SPAG16: variants seen among roughly 807,000 people sequenced by gnomAD.
SPAG16 encodes the protein sperm associated antigen 16.
Under a neutral mutation model 80.4 loss-of-function variants are expected in SPAG16, and 86 were observed. The observed-to-expected ratio is 1.07, with a 90% CI of 0.90 to 1.28. The LOEUF is 1.28. Ranked by LOEUF, SPAG16 falls within the 50% of genes most tolerant of loss-of-function variation. The pLI is 0.00. For missense variants in SPAG16, 870 were observed against 765.3 expected, an observed-to-expected ratio of 1.14 and a Z score of -1.61; for synonymous variants, 294 against 265.9, an observed-to-expected ratio of 1.11 and a Z score of -1.03.
chr2:213,593,991 G>C (rs2060801541), intron 10 of SPAG16, among the ~76,000 whole-genome samples: 1 of 151,206 alleles, frequency 6.6e-6, no homozygotes, highest in African/African-American at 2.4e-5. Context: ...TAGCCAGGAT[G>C]GTCTCGATAT....
chr2:213,687,676 T>G (rs532790924), intron 10 of SPAG16, among the ~76,000 whole-genome samples: 1 of 152,294 alleles, frequency 6.6e-6, no homozygotes, highest in South Asian at 2.1e-4. Flanking sequence ...GTCTGACCCC[T>G]TTCGAGATTT....
At chr2:213,742,081 T>A (rs1049972452) in intron 10 of SPAG16, among the ~76,000 whole-genome samples, 1 of 152,100 alleles carries the variant, frequency 6.6e-6, no homozygotes, top group African/African-American at 2.4e-5. Context: ...GTAATACCAA[T>A]GTGTTTGGGT....
chr2:213,651,366 A>G (rs545631553), intron 10 of SPAG16, among the ~76,000 whole-genome samples: 1 of 152,302 alleles, frequency 6.6e-6, no homozygotes, highest in African/African-American at 2.4e-5. Context: ...GAAGCCCCTG[A>G]GGACAAACTG....
At chr2:214,193,395 A>ATG (rs60839638) in intron 15 of SPAG16, among the ~76,000 whole-genome samples, 1,322 of 124,448 alleles carry the variant, frequency 0.011, 17 homozygotes, top group Middle Eastern at 0.039. Context: ...GAGATCTTTT[A>ATG]TGTGTGTGTG....
At chr2:213,583,919 C>T (rs7560229) in intron 10 of SPAG16, among the ~76,000 whole-genome samples, 41,717 of 151,984 alleles carry the variant, frequency 0.27, 6,481 homozygotes, top group Middle Eastern at 0.43. Context: ...CAATAAATTA[C>T]GAACAACGTG....
chr2:214,056,215 T>A (rs1160615501), intron 13 of SPAG16, among the ~76,000 whole-genome samples: 1 of 151,758 alleles, frequency 6.6e-6, no homozygotes, highest in Non-Finnish European at 1.5e-5. Context: ...TAATCCTGCA[T>A]CCTTTATTCA....
intron 13 of SPAG16, among the ~76,000 whole-genome samples, chr2:214,105,159 C>T (rs563499675): frequency 2.6e-5 from 4 of 152,100 alleles, no homozygotes; most frequent in East Asian, 1.9e-4. Flanking sequence ...TGGCATAGGG[C>T]GGGGCAGAGC....
intron 12 of SPAG16, among the ~76,000 whole-genome samples, chr2:213,950,353 A>G (rs1180185565): frequency 1.3e-5 from 2 of 152,222 alleles, no homozygotes; most frequent in East Asian, 1.9e-4. Flanking sequence ...TTCTGTTCAC[A>G]TAGTTACAGA....
chr2:213,947,805 C>T (rs2079541363), intron 12 of SPAG16, among the ~76,000 whole-genome samples: 2 of 152,114 alleles, frequency 1.3e-5, no homozygotes, highest in Admixed American at 1.3e-4. Flanking sequence ...GATCTATGCA[C>T]AGTCTTTCAC....
intron 10 of SPAG16, among the ~76,000 whole-genome samples, chr2:213,718,808 C>T (rs1444219619): frequency 6.6e-6 from 1 of 152,180 alleles, no homozygotes; most frequent in Non-Finnish European, 1.5e-5. Context: ...CCCAAGCCTC[C>T]CCGACGAGCA....
intron 15 of SPAG16, among the ~76,000 whole-genome samples, chr2:214,300,531 T>C (rs1287653350): frequency 6.6e-6 from 1 of 152,078 alleles, no homozygotes; most frequent in Admixed American, 6.6e-5. Flanking sequence ...AGTAAATTTG[T>C]ACTGTAGAAG....
chr2:213,844,645 C>T (rs2074522111), intron 10 of SPAG16, among the ~76,000 whole-genome samples: 1 of 152,054 alleles, frequency 6.6e-6, no homozygotes, highest in African/African-American at 2.4e-5. Flanking sequence ...TTATAATAGT[C>T]AATAAATGCT....
Position 214,226,592 on chromosome 2 carries a change from C to T in SPAG16, c.1720+77326C>T, listed in dbSNP as rs137952818. 5.8e-3 allele frequency among the ~76,000 whole-genome samples: 882 copies of T among 152,092 alleles called. 7 individuals are homozygous for T. The highest frequency in any genetic ancestry group is 8.5e-3 in the Non-Finnish European group (578 of 67,956). On this transcript the variant is annotated intron_variant, in intron 15 of 15. Transcript: ENST00000331683. ...CCAAATTCTGACCTTTTGTTGTTCACCAAAATGTGGTTGCAGTGCCTAGAA... is the reference window on the plus strand; with the variant it reads ...CCAAATTCTGACCTTTTGTTGTTCATCAAAATGTGGTTGCAGTGCCTAGAA...
chr2:213,868,200 A>C (rs12474209), intron 11 of SPAG16, among the ~76,000 whole-genome samples: 5 of 151,740 alleles, frequency 3.3e-5, no homozygotes, highest in Admixed American at 3.3e-4. Context: ...TGTAAATGTT[A>C]CTTTAAAATT....
chr2:213,311,823 A>C (rs1016640140), intron 4 of SPAG16, among the ~76,000 whole-genome samples: 2 of 151,608 alleles, frequency 1.3e-5, no homozygotes, highest in Admixed American at 1.3e-4. Context: ...AGGAAAAAAC[A>C]CTTAGAATAT....
At chr2:214,288,792 G>A (rs1693577299) in intron 15 of SPAG16, among the ~76,000 whole-genome samples, 1 of 13,732 alleles carries the variant, frequency 7.3e-5, no homozygotes, top group Non-Finnish European at 2.0e-4. Flanking sequence ...TATTTGAGAC[G>A]TTGTCTCGCT....
intron 10 of SPAG16, among the ~76,000 whole-genome samples, chr2:213,546,592 A>C (rs1268934938): frequency 6.6e-6 from 1 of 152,216 alleles, no homozygotes; most frequent in African/African-American, 2.4e-5. Context: ...ATAATAAACA[A>C]ATAAAAACTA....
intron 13 of SPAG16, among the ~76,000 whole-genome samples, chr2:214,028,220 A>T (rs1391302349): frequency 6.6e-6 from 1 of 152,010 alleles, no homozygotes; most frequent in Non-Finnish European, 1.5e-5. Context: ...AATGGTGGTG[A>T]GTTTGTGATG....
intron 9 of SPAG16, among the ~76,000 whole-genome samples, chr2:213,479,455 T>C (rs1356976602): frequency 1.3e-5 from 2 of 152,056 alleles, no homozygotes; most frequent in African/African-American, 4.8e-5. Flanking sequence ...GATTGAGATC[T>C]TTTTGTTTGT....
Sources: allele counts gnomAD v4.1 joint callset (sites outside exome capture counted in the v4.1 genomes callset), GRCh38; gene constraint gnomAD v4.1.1; transcripts MANE v1.5; gene names NCBI Gene and HGNC (gene_info 2026-07-23, HGNC 2026-07-21).